Variants in RAB44 observed in about 807,000 individuals in gnomAD.
RAB44 encodes the protein RAB44, member RAS oncogene family.
Under a neutral mutation model 93.3 loss-of-function variants are expected in RAB44, and 67 were observed. The observed-to-expected ratio is 0.72, with a 90% confidence interval of 0.59 to 0.88. RAB44 has a LOEUF of 0.88. Ranked by LOEUF, RAB44 falls within the 40% of genes least tolerant of loss-of-function variation. RAB44 has a pLI of 0.00. For missense variants in RAB44, 1,064 were observed against 1,261.7 expected (o/e 0.84, Z 2.37); for synonymous variants, 427 against 520.3 (o/e 0.82, Z 2.44).
Position 36,722,067 on chromosome 6 carries a change from CT to C in RAB44, c.1935del (p.Pro646LeufsTer4). On this transcript the variant is annotated frameshift_variant, in exon 9 of 14. Coordinates refer to ENST00000612677, the MANE Select transcript of RAB44 (RefSeq NM_001257357.2). LOFTEE classifies it high-confidence loss of function. Reference protein sequence around the residue: ...GQAGPAVQEGLPEGLREAHGQ... With the variant: ...GQAGPAVQEGXPEGLREAHGQ... ...GGCGGGCCCAGCGGTGCAGGAGGGC[CT>C]TCCTGAGGGGCTAAGAGAAGCTCAT... 1.4e-5 allele frequency: 17 copies of C among 1,234,890 alleles called. No individual in the cohort carries two copies. Among genetic ancestry groups the C allele is most frequent in the Non-Finnish European group, 1.7e-5 (17 of 988,632 alleles). The allele number at this position is 1,234,890 out of a possible 1,614,324, so 76.5% of individuals were successfully genotyped here.
intron 1 of RAB44, 25 bp from the exon 2 acceptor site, chr6:36,704,199 G>A (rs1762582190): frequency 6.6e-7 from 1 of 1,515,746 alleles, no homozygotes; most frequent in South Asian, 1.2e-5. Flanking sequence ...CAGCAGCCCG[G>A]TGCCCCTCAC....
chr6:36,699,728 G>A (rs1184472580), intron 1 of RAB44, among the ~76,000 whole-genome samples: 2 of 152,198 alleles, frequency 1.3e-5, no homozygotes, highest in African/African-American at 2.4e-5. Flanking sequence ...AGGTCACTCT[G>A]CCTCTTGGAA....
At chr6:36,730,866 G>A (rs1275050029) in intron 13 of RAB44, 117 bp downstream of exon 13, 2 of 458,518 alleles carry the variant, frequency 4.4e-6, no homozygotes, top group South Asian at 1.1e-4. Context: ...TGAGGAAATG[G>A]GTCAGGGAAG....
intron 2 of RAB44, among the ~76,000 whole-genome samples, chr6:36,709,667 T>C (rs945080944): frequency 1.3e-5 from 2 of 152,214 alleles, no homozygotes; most frequent in Non-Finnish European, 2.9e-5. Context: ...GCTATTCTCA[T>C]GCCTCAGCCA....
In RAB44 at chr6:36,717,447, G is replaced by A. The variant is rs1762950222; in HGVS notation, c.641+28G>A. On this transcript the variant is annotated intron_variant, in intron 5 of 13. Transcript: ENST00000612677. This position sits in a 1 kb window ranked among gnomAD's most constrained non-coding sequence, Gnocchi z 4.1. Reference sequence around the variant, plus strand: ...GAGTGGGGGGCCTGGCCGGGTGTCTGATACGAAGTAGGTGCTCTTCACATT... The same window carrying A: ...GAGTGGGGGGCCTGGCCGGGTGTCTAATACGAAGTAGGTGCTCTTCACATT... 1 of 1,231,994 alleles carries A rather than the reference G, an allele frequency of 8.1e-7. No homozygotes were observed. The highest frequency in any genetic ancestry group is 1.0e-6 in the Non-Finnish European group (1 of 988,076). The allele number at this position is 1,231,994 out of a possible 1,614,324, so 76.3% of individuals were successfully genotyped here.
At position 36,712,236 on chromosome 6, in the gene RAB44, G is replaced by A. The variant is rs180839659; in HGVS notation, c.208-1592G>A. Among the ~76,000 whole-genome samples, 314 of 152,282 alleles carry A rather than the reference G, an allele frequency of 2.1e-3. 3 individuals carry two copies. The highest frequency in any genetic ancestry group is 7.3e-3 in the African/African-American group (305 of 41,558). Reference sequence around the variant, plus strand: ...GAGAATTAGTTGAACTCGGGAGGTGGAGGTTGCAGTGAGCCAAGATTGTGC... The same window carrying A: ...GAGAATTAGTTGAACTCGGGAGGTGAAGGTTGCAGTGAGCCAAGATTGTGC... On this transcript the variant is annotated intron_variant, in intron 2 of 13. Transcript: ENST00000612677.
At chr6:36,730,525 C>A in intron 12 of RAB44, 148 bp from the exon 13 acceptor site, 1 of 439,776 alleles carries the variant, frequency 2.3e-6, no homozygotes. Flanking sequence ...CCGTGGCCCA[C>A]GCTGAGATGG....
intron 2 of RAB44, among the ~76,000 whole-genome samples, chr6:36,710,186 T>A (rs1762746192): frequency 6.6e-6 from 1 of 152,172 alleles, no homozygotes; most frequent in South Asian, 2.1e-4. Flanking sequence ...TCTGCACCCA[T>A]CGAACAGTAA....
Position 36,706,730 on chromosome 6 carries a change from A to ATT in RAB44, c.207+2301_207+2302dup, listed in dbSNP as rs76091211. Among the ~76,000 whole-genome samples, 212 of 146,092 alleles carry ATT rather than the reference A, an allele frequency of 1.5e-3. 1 individual carries two copies. Among genetic ancestry groups the ATT allele is most frequent in the African/African-American group, 4.5e-3 (182 of 40,138 alleles). On this transcript the variant is annotated intron_variant, in intron 2 of 13. Coordinates refer to ENST00000612677, the MANE Select transcript of RAB44 (RefSeq NM_001257357.2). ...AAAGTAAGGAGAGTCTGTAAAAGTA[A>ATT]TTTTTTTTTTTTTTGAGACAGGGTC...
At position 36,718,131 on chromosome 6, in the gene RAB44, C is replaced by T. The variant is rs1299106489; in HGVS notation, c.732+13C>T. The stretch of plus-strand genomic sequence containing the variant: ...GCTGCAGGCTGAGGTGGGCTCCCGC[C>T]GGCAGCCTGCCTCCTTCCCACTGCC... On this transcript the variant is annotated intron_variant, in intron 6 of 13. Transcript: ENST00000612677. 1.2e-5 allele frequency: 15 copies of T among 1,231,066 alleles called. No individual in the cohort carries two copies. The highest frequency in any genetic ancestry group is 1.3e-5 in the Non-Finnish European group (13 of 987,100). 76.3% of individuals were successfully genotyped at this position (1,231,066 alleles called of 1,614,324 possible).
At chr6:36,703,842 T>C (rs1762571447) in intron 1 of RAB44, among the ~76,000 whole-genome samples, 2 of 152,118 alleles carry the variant, frequency 1.3e-5, no homozygotes, top group African/African-American at 4.8e-5. Flanking sequence ...AGCTAGATCC[T>C]GGAAAACCCT....
At chr6:36,704,186 G>T in intron 1 of RAB44, 38 bp from the exon 2 acceptor site, 1 of 1,501,380 alleles carries the variant, frequency 6.7e-7, no homozygotes, top group Non-Finnish European at 9.0e-7. Context: ...GGGCGTGACT[G>T]TCCAGCAGCC....
At chr6:36,704,707 A>G (rs9357223) in intron 2 of RAB44, among the ~76,000 whole-genome samples, 48,137 of 152,072 alleles carry the variant, frequency 0.32, 9,666 homozygotes, top group African/African-American at 0.57. Flanking sequence ...ATAATTTTAG[A>G]CTCATTAAGC....
Position 36,727,679 on chromosome 6 carries a change from A to C in RAB44, c.2784A>C (p.Leu928=). ...QESFAHVRYW[L]DCLQDAGSDG... is the part of the protein sequence containing the mutation. ...GCTTTGCCCACGTGCGCTACTGGCT[A>C]GACTGTCTCCAGGTGAGCAGATGGC... The change falls in exon 11 of 14, where the codon CTA becomes CTC. Residue 928 remains leucine, a synonymous_variant. Coordinates refer to ENST00000612677, the MANE Select transcript of RAB44 (RefSeq NM_001257357.2). 1 of 1,549,992 alleles carries C rather than the reference A, an allele frequency of 6.5e-7. No homozygotes were observed. The highest frequency in any genetic ancestry group is 8.7e-7 in the Non-Finnish European group (1 of 1,146,426).
chr6:36,715,650 C>T lies in RAB44; in HGVS notation c.491C>T (p.Pro164Leu). 2 of 1,535,878 alleles carry T rather than the reference C, an allele frequency of 1.3e-6. No individual in the cohort carries two copies. Residue 164 changes from proline (P) to leucine (L), a missense_variant, in exon 4 of 14, where the codon CCC becomes CTC. Pro to Leu is a moderately conservative substitution (Grantham distance 98). Transcript: ENST00000612677. Reference protein sequence around the residue: ...MEQLGTGHLLPKQMEIWQLWG... With the variant: ...MEQLGTGHLLLKQMEIWQLWG... ...CAGCTGGGGACTGGACACTTACTTC[C>T]CAAGTAAGGCCAGGGCGGCATGTGC...
At position 36,720,467 on chromosome 6, in the gene RAB44, G is replaced by A; in HGVS notation, c.933G>A (p.Glu311=). 8.1e-7 allele frequency: 1 copy of A among 1,233,168 alleles called. No homozygotes were observed. The highest frequency in any genetic ancestry group is 1.5e-5 in the African/African-American group (1 of 64,568). The allele number at this position is 1,233,168 out of a possible 1,614,324, so 76.4% of individuals were successfully genotyped here. Residue 311 remains glutamate (E), a synonymous_variant, in exon 8 of 14, where the codon GAG becomes GAA. Transcript: ENST00000612677. ...GTGACCTGGCTGGGCGGCTGGAGGA[G>A]GTGCGGGGGCAGCTGCAGGTGACCA... ...AKRDLAGRLE[E]VRGQLQVTRG... is the part of the protein sequence containing the mutation.
intron 8 of RAB44, 76 bp downstream of exon 8, chr6:36,720,626 A>C (rs1763050658): frequency 9.0e-7 from 1 of 1,114,748 alleles, no homozygotes; most frequent in South Asian, 4.7e-5. Flanking sequence ...TGAGTTCTCT[A>C]AGGATCTAGC....
At chr6:36,710,818 T>G (rs2150329200) in intron 2 of RAB44, among the ~76,000 whole-genome samples, 1 of 152,240 alleles carries the variant, frequency 6.6e-6, no homozygotes, top group African/African-American at 2.4e-5. Flanking sequence ...GAGACAGGGT[T>G]TCACCATGTT....
chr6:36,703,558 T>C (rs1762562957), intron 1 of RAB44, among the ~76,000 whole-genome samples: 6 of 152,048 alleles, frequency 3.9e-5, no homozygotes, highest in Admixed American at 6.6e-5. Context: ...GGTTCAGTGG[T>C]GTTGCCATGG....
Sources: allele counts gnomAD v4.1 joint callset (sites outside exome capture counted in the v4.1 genomes callset), GRCh38; gene constraint gnomAD v4.1.1; non-coding constraint Gnocchi (gnomAD v3.1); transcripts MANE v1.5; gene names NCBI Gene and HGNC (gene_info 2026-07-23, HGNC 2026-07-21).